CELF2: variants seen among roughly 807,000 people sequenced by gnomAD.
The protein encoded by CELF2 is CUGBP Elav-like family member 2.
In CELF2, 8 loss-of-function variants were observed where a neutral mutation model predicts 62.6. The observed-to-expected ratio is 0.13, with a 90% CI of 0.07 to 0.23. CELF2 has a LOEUF of 0.23. Among genes scored for constraint, CELF2 ranks in the 10% least tolerant of loss-of-function variants. The pLI, the probability that CELF2 is intolerant of heterozygous loss-of-function variation, is 1.00. For missense variants in CELF2, 333 were observed against 671.0 expected, an observed-to-expected ratio of 0.50 and a Z score of 5.56; for synonymous variants, 258 against 250.0, an observed-to-expected ratio of 1.03 and a Z score of -0.30.
At chr10:11,067,247 T>C (rs563264708) in intron 1 of CELF2, among the ~76,000 whole-genome samples, 1 of 152,230 alleles carries the variant, frequency 6.6e-6, no homozygotes, top group African/African-American at 2.4e-5. Context: ...GTGTACATAT[T>C]TGGCAGATTA....
chr10:10,996,452 G>A (rs1029735743), intron 2 of CELF2, among the ~76,000 whole-genome samples: 3 of 152,228 alleles, frequency 2.0e-5, no homozygotes, highest in Middle Eastern at 3.4e-3. Flanking sequence ...TCCTTTCTCC[G>A]GGCATGTGCA....
At chr10:11,202,744 T>C (rs2059493111) in intron 2 of CELF2, among the ~76,000 whole-genome samples, 1 of 152,186 alleles carries the variant, frequency 6.6e-6, no homozygotes, top group Admixed American at 6.5e-5. Context: ...GTGAGACCCT[T>C]AGTGGTGGGA....
At chr10:11,252,117 A>C (rs932779611) in intron 4 of CELF2, among the ~76,000 whole-genome samples, 2 of 152,228 alleles carry the variant, frequency 1.3e-5, no homozygotes, top group African/African-American at 4.8e-5. Flanking sequence ...CCTTGCACAG[A>C]CATGAACAGC....
chr10:11,182,277 A>C (rs1404746107), intron 2 of CELF2, among the ~76,000 whole-genome samples: 1 of 152,128 alleles, frequency 6.6e-6, no homozygotes, highest in Non-Finnish European at 1.5e-5. Flanking sequence ...AACAGAAATG[A>C]CTTCATAGGT....
chr10:11,218,843 CT>C (rs879291387), intron 3 of CELF2, among the ~76,000 whole-genome samples: 3 of 151,974 alleles, frequency 2.0e-5, no homozygotes, highest in African/African-American at 7.3e-5. Context: ...TGTAAATGGA[CT>C]TTTTTTTAAC....
chr10:10,766,072 A>G, the CELF2 span, among the ~76,000 whole-genome samples: 3 of 152,146 alleles, frequency 2.0e-5, no homozygotes, highest in Non-Finnish European at 4.4e-5. Flanking sequence ...TATGTAAGTA[A>G]GTGTCCCATC....
rs201242816 is a variant in CELF2 at position 10,903,521 on chromosome 10, G to A, written c.54-16443G>A. Among the ~76,000 whole-genome samples, 29 of 152,272 alleles carry A rather than the reference G, an allele frequency of 1.9e-4. No homozygotes were observed. The South Asian group carries it at 2.7e-3, about 14-fold the overall frequency. On this transcript the variant is annotated intron_variant, in intron 1 of 13. Transcript: ENST00000636488. ...ATCACGTTTCTTATAAAAAGAGTCC[G>A]AAAGGGCCACTTTAAGTAAGAAAGC...
In CELF2 at chr10:11,065,377, T is replaced by C. The variant is rs554149215; in HGVS notation, c.74+47214T>C. ...ATCTGACGGTAAATTCTTGAACTGC[T>C]AAAGGGAAATTCCTTACTACCGAAA... is the stretch of plus-strand genomic sequence containing the variant. On this transcript the variant is annotated intron_variant, in intron 1 of 12. Transcript: ENST00000633077. 1.4e-4 allele frequency among the ~76,000 whole-genome samples: 21 copies of C among 152,364 alleles called. No individual in the cohort carries two copies. The South Asian group carries it at 4.3e-3, about 32-fold the overall frequency.
chr10:11,054,160 A>G (rs185753624), intron 1 of CELF2, among the ~76,000 whole-genome samples: 110 of 152,364 alleles, frequency 7.2e-4, no homozygotes, highest in African/African-American at 2.5e-3. Context: ...CCTGGCATAT[A>G]GGAAGTGCAG....
In CELF2 at chr10:10,938,613, C is replaced by T. The variant is rs2046676239; in HGVS notation, c.89+18614C>T. On this transcript the variant is annotated intron_variant, in intron 2 of 13. Coordinates refer to the CELF2 transcript ENST00000636488. This position sits in a 1 kb window ranked among gnomAD's most constrained non-coding sequence, Gnocchi z 4.2. Reference sequence around the variant, plus strand: ...TTGGGGGAAAACAGGAGTTGTATGACAATTTGGAGGTCCTTTTCTTTGTCT... The same window carrying T: ...TTGGGGGAAAACAGGAGTTGTATGATAATTTGGAGGTCCTTTTCTTTGTCT... 1.3e-5 allele frequency among the ~76,000 whole-genome samples: 2 copies of T among 152,266 alleles called. No individual in the cohort carries two copies. Among genetic ancestry groups the T allele is most frequent in the South Asian group, 4.1e-4 (2 of 4,822 alleles).
intron 1 of CELF2, among the ~76,000 whole-genome samples, chr10:11,019,533 A>C (rs2057951165): frequency 6.6e-6 from 1 of 152,156 alleles, no homozygotes; most frequent in Non-Finnish European, 1.5e-5. Context: ...GTTATGAGTT[A>C]AGAGATTCTT....
intron 1 of CELF2, among the ~76,000 whole-genome samples, chr10:10,888,912 G>A (rs146745251): frequency 4.6e-5 from 7 of 152,036 alleles, no homozygotes; most frequent in African/African-American, 1.7e-4. Context: ...TTCTTGGAGC[G>A]GGGACCATGT....
At chr10:11,278,027 C>T (rs2086786864) in intron 8 of CELF2, among the ~76,000 whole-genome samples, 1 of 152,172 alleles carries the variant, frequency 6.6e-6, no homozygotes, top group Admixed American at 6.5e-5. Context: ...TGAAAACATA[C>T]TGGTCGATGA....
chr10:10,978,669 A>C (rs1218964368), intron 2 of CELF2, among the ~76,000 whole-genome samples: 1 of 152,238 alleles, frequency 6.6e-6, no homozygotes, highest in African/African-American at 2.4e-5. Context: ...CATATCTCAC[A>C]GTCATTAAGG....
At chr10:10,679,221 C>G in the CELF2 span, among the ~76,000 whole-genome samples, 1 of 152,100 alleles carries the variant, frequency 6.6e-6, no homozygotes, top group Non-Finnish European at 1.5e-5. Flanking sequence ...AGTGACTGCT[C>G]TCTTCATGAA....
the CELF2 span, among the ~76,000 whole-genome samples, chr10:10,573,901 A>G: frequency 6.6e-6 from 1 of 152,074 alleles, no homozygotes; most frequent in Non-Finnish European, 1.5e-5. Context: ...TTATTTGCAT[A>G]TTTTTATTTA....
chr10:11,135,052 T>C (rs12775751), intron 1 of CELF2, among the ~76,000 whole-genome samples: 23,439 of 152,194 alleles, frequency 0.15, 1,907 homozygotes, highest in Middle Eastern at 0.23. Flanking sequence ...GTCTTGTAGA[T>C]GGGTGTTAGG....
chr10:10,680,278 T>C, the CELF2 span, among the ~76,000 whole-genome samples: 7 of 152,150 alleles, frequency 4.6e-5, no homozygotes, highest in African/African-American at 1.7e-4. Flanking sequence ...AGTTTAGGGA[T>C]CCCCAAGACT....
At chr10:10,828,666 A>G (rs61832091) in intron 1 of CELF2, among the ~76,000 whole-genome samples, 8,750 of 151,384 alleles carry the variant, frequency 0.058, 265 homozygotes, top group African/African-American at 0.088. Context: ...TATGTTTATT[A>G]TAATTACAAA....
Sources: allele counts gnomAD v4.1 joint callset (sites outside exome capture counted in the v4.1 genomes callset), GRCh38; gene constraint gnomAD v4.1.1; non-coding constraint Gnocchi (gnomAD v3.1); transcripts MANE v1.5; gene names NCBI Gene and HGNC (gene_info 2026-07-23, HGNC 2026-07-21).